MAN1C1: variants seen among roughly 807,000 people sequenced by gnomAD.
MAN1C1 encodes mannosidase alpha class 1C member 1.
Under a neutral mutation model 71.5 loss-of-function variants are expected in MAN1C1, and 49 were observed. That is an observed-to-expected ratio of 0.69 (90% confidence interval 0.54 to 0.87). MAN1C1 has a LOEUF of 0.87. Ranked by LOEUF, MAN1C1 falls within the 40% of genes least tolerant of loss-of-function variation. The probability of loss-of-function intolerance (pLI) is 0.00; values close to 1 mark genes in which losing one functional copy is unlikely to be tolerated. For synonymous variants in MAN1C1, 352 were observed against 343.7 expected, an observed-to-expected ratio of 1.02 and a Z score of -0.27; for missense variants, 743 against 835.0, an observed-to-expected ratio of 0.89 and a Z score of 1.36.
intron 10 of MAN1C1, 152 bp downstream of exon 10, chr1:25,781,264 G>T (rs532822970): frequency 1.4e-5 from 11 of 806,402 alleles, no homozygotes; most frequent in Admixed American, 2.8e-5. Context: ...CAAGGTGGTG[G>T]TTACAGAGCC....
intron 7 of MAN1C1, among the ~76,000 whole-genome samples, chr1:25,768,478 C>CAT (rs2047489426): frequency 1.6e-5 from 2 of 124,300 alleles, no homozygotes; most frequent in African/African-American, 3.0e-5. Context: ...ACACACATTA[C>CAT]ACACTCCCCC....
chr1:25,770,201 A>G (rs1362743559), intron 7 of MAN1C1, among the ~76,000 whole-genome samples: 2 of 152,174 alleles, frequency 1.3e-5, no homozygotes, highest in South Asian at 4.1e-4. Context: ...CCTCCACACC[A>G]GAGCATAGTC....
intron 1 of MAN1C1, among the ~76,000 whole-genome samples, chr1:25,678,637 A>T (rs754917219): frequency 6.6e-6 from 1 of 152,344 alleles, no homozygotes. Flanking sequence ...GTGCACAGAG[A>T]TGTTCACTAT....
Position 25,632,865 on chromosome 1 carries a change from A to AT in MAN1C1, c.540+14549dup, listed in dbSNP as rs33924292. Among the ~76,000 whole-genome samples, 985 of 113,070 alleles carry AT rather than the reference A, an allele frequency of 8.7e-3. 5 individuals are homozygous for AT. Among genetic ancestry groups the AT allele is most frequent in the South Asian group, 0.021 (74 of 3,528 alleles). The allele number at this position is 113,070 out of a possible 152,430, so 74.2% of individuals were successfully genotyped here. A position where few individuals can be genotyped will look rare whatever the true frequency, so the allele number is the denominator to read the frequency against. On this transcript the variant is annotated intron_variant, in intron 1 of 11. Transcript: ENST00000374332. Reference sequence around the variant, plus strand: ...TGAGAAGATACTTGATACAATTTTGATTTTTTTTTTTTTTTTTTTTTGAGA... The same window carrying AT: ...TGAGAAGATACTTGATACAATTTTGATTTTTTTTTTTTTTTTTTTTTTGAGA...
At chr1:25,642,892 G>A (rs1300637264) in intron 1 of MAN1C1, among the ~76,000 whole-genome samples, 1 of 152,144 alleles carries the variant, frequency 6.6e-6, no homozygotes, top group Non-Finnish European at 1.5e-5. Flanking sequence ...AGGCCTGTGT[G>A]GGGAGATGAT....
intron 1 of MAN1C1, among the ~76,000 whole-genome samples, chr1:25,666,753 C>T (rs566233148): frequency 5.1e-4 from 78 of 152,330 alleles, no homozygotes; most frequent in African/African-American, 1.8e-3. Flanking sequence ...GAAATCTCAG[C>T]CAGGCCTTTC....
At position 25,711,369 on chromosome 1, in the gene MAN1C1, A is replaced by G. The variant is rs2046610698; in HGVS notation, c.637+24833A>G. On this transcript the variant is annotated intron_variant, in intron 2 of 11. Transcript: ENST00000374332. The surrounding 1 kb of genome is among the most constrained non-coding windows in gnomAD (Gnocchi z 4.3). ...GACACCAGGAACATTTTTGCCTTCT[A>G]TCACACCAGACTCCTTCCCACTCAG... Among the ~76,000 whole-genome samples the G allele has an allele frequency of 6.6e-6, 1 of 152,192 alleles. No homozygotes were observed. The highest frequency in any genetic ancestry group is 2.1e-4 in the South Asian group (1 of 4,836).
chr1:25,780,242 G>A (rs539433035), intron 9 of MAN1C1, among the ~76,000 whole-genome samples: 1 of 152,282 alleles, frequency 6.6e-6, no homozygotes, highest in African/African-American at 2.4e-5. Flanking sequence ...GGCTACAGAG[G>A]TGGTTATAAT....
intron 4 of MAN1C1, 39 bp downstream of exon 4, chr1:25,749,374 G>A (rs2124344175): frequency 2.0e-6 from 3 of 1,513,282 alleles, no homozygotes; most frequent in Non-Finnish European, 2.7e-6. Context: ...TGTCCAGGCT[G>A]GAAAGGGCTT....
rs2047658907 is a variant in MAN1C1 at position 25,779,062 on chromosome 1, C to T, written c.1477+738C>T. Among the ~76,000 whole-genome samples, 1 of 152,114 alleles carries T rather than the reference C, an allele frequency of 6.6e-6. No homozygotes were observed. Among genetic ancestry groups the T allele is most frequent in the Non-Finnish European group, 1.5e-5 (1 of 68,020 alleles). On this transcript the variant is annotated intron_variant, in intron 9 of 11. Transcript: ENST00000374332. The surrounding 1 kb of genome is among the most constrained non-coding windows in gnomAD (Gnocchi z 4.6). ...GTTCCACCCCGTGCGCAAACTGCAC[C>T]CCTCAGAAAAATCCCCAGCCCCCGT...
chr1:25,696,919 T>C (rs1466437513), intron 2 of MAN1C1, among the ~76,000 whole-genome samples: 1 of 152,218 alleles, frequency 6.6e-6, no homozygotes, highest in Non-Finnish European at 1.5e-5. Context: ...AGTGTTGGGA[T>C]TACAGGCGTG....
intron 2 of MAN1C1, among the ~76,000 whole-genome samples, chr1:25,732,545 C>T (rs2124303867): frequency 6.6e-6 from 1 of 152,346 alleles, no homozygotes; most frequent in Admixed American, 6.5e-5. Context: ...TGGTGTCGGC[C>T]TTCACGCAGG....
chr1:25,723,050 A>G (rs1451427469), intron 2 of MAN1C1, among the ~76,000 whole-genome samples: 2 of 152,184 alleles, frequency 1.3e-5, no homozygotes, highest in African/African-American at 2.4e-5. Context: ...TCAGTGTAGT[A>G]TTTCATGACA....
chr1:25,783,997 C>T lies in MAN1C1; in HGVS notation c.*208C>T. 1 of 563,442 alleles carries T rather than the reference C, an allele frequency of 1.8e-6. No individual in the cohort carries two copies. The allele number at this position is 563,442 out of a possible 1,614,324, so 34.9% of individuals were successfully genotyped here. On this transcript the variant is annotated 3_prime_UTR_variant, in exon 12 of 12. Coordinates refer to ENST00000374332, the MANE Select transcript of MAN1C1 (RefSeq NM_020379.4). ...GGCCAGGGCCATGGCCACACTGGCC[C>T]ACACATTCCTTTCTACAGAGAATTT...
chr1:25,655,779 GGTTAATAGGAGA>G (rs1216798258), intron 1 of MAN1C1, among the ~76,000 whole-genome samples: 10 of 152,198 alleles, frequency 6.6e-5, no homozygotes, highest in Middle Eastern at 3.4e-3. Flanking sequence ...TTGTTCTGGG[GGTTAATAGGAGA>G]GTTAATAGGA....
chr1:25,621,096 G>A (rs989129950), intron 1 of MAN1C1, among the ~76,000 whole-genome samples: 1 of 152,220 alleles, frequency 6.6e-6, no homozygotes, highest in African/African-American at 2.4e-5. Context: ...GTGAGGGAGA[G>A]GAGAATAAGC....
In MAN1C1 at chr1:25,765,419, C is replaced by A. The variant is rs542455679; in HGVS notation, c.1141+1452C>A. ...AGACCTGGCAGAGCCCCCACCCCCA[C>A]TGTCTGTGTGCAAACAAGGACCCCC... is the stretch of plus-strand genomic sequence containing the variant. On this transcript the variant is annotated intron_variant, in intron 7 of 11. Coordinates refer to ENST00000374332, the MANE Select transcript of MAN1C1 (RefSeq NM_020379.4). Among the ~76,000 whole-genome samples the A allele has an allele frequency of 8.5e-5, 13 of 152,336 alleles. No homozygotes were observed. The East Asian group carries it at 2.3e-3, about 27-fold the overall frequency.
chr1:25,773,557 CG>C (rs1297074449), intron 8 of MAN1C1, among the ~76,000 whole-genome samples: 1 of 152,202 alleles, frequency 6.6e-6, no homozygotes, highest in East Asian at 1.9e-4. Context: ...ACCAGAGCCC[CG>C]GTCAGAGAAT....
intron 2 of MAN1C1, among the ~76,000 whole-genome samples, chr1:25,739,541 G>T (rs1053896740): frequency 6.6e-6 from 1 of 152,098 alleles, no homozygotes; most frequent in Non-Finnish European, 1.5e-5. Flanking sequence ...TTGCTAATAT[G>T]ATATCACATA....
Sources: gnomAD v4.1 joint callset for allele counts (sites outside exome capture counted in the v4.1 genomes callset) on GRCh38, gnomAD v4.1.1 for gene constraint, Gnocchi (gnomAD v3.1) non-coding constraint, MANE v1.5 for transcripts, NCBI Gene and HGNC (gene_info 2026-07-23, HGNC 2026-07-21) for gene names.